FAF1: variants seen among roughly 807,000 people sequenced by gnomAD.
FAF1 encodes FAS-associated factor 1.
In FAF1, 25 loss-of-function variants were observed where a neutral mutation model predicts 92.5. The observed-to-expected ratio is 0.27, with a 90% CI of 0.20 to 0.38. FAF1 has a LOEUF of 0.38. Among genes scored for constraint, FAF1 ranks in the 10% least tolerant of loss-of-function variants. The probability of loss-of-function intolerance (pLI) is 1.00; values close to 1 mark genes in which losing one functional copy is unlikely to be tolerated. For synonymous variants in FAF1, 234 were observed against 273.2 expected (o/e 0.86, Z 1.42); for missense variants, 636 against 793.3 (o/e 0.80, Z 2.38).
chr1:50,467,414 A>G (rs1646511171), intron 18 of FAF1, among the ~76,000 whole-genome samples: 1 of 152,094 alleles, frequency 6.6e-6, no homozygotes, highest in African/African-American at 2.4e-5. Context: ...CCTGGGTTCA[A>G]GTGATTCTCC....
intron 18 of FAF1, among the ~76,000 whole-genome samples, chr1:50,455,021 G>A (rs1045803093): frequency 1.3e-5 from 2 of 152,228 alleles, no homozygotes; most frequent in African/African-American, 4.8e-5. Context: ...GGAGTCTAGA[G>A]GAGCTGCATC....
At chr1:50,885,312 T>TCACACACACACACACACA (rs376434464) in intron 1 of FAF1, among the ~76,000 whole-genome samples, 2 of 137,366 alleles carry the variant, frequency 1.5e-5, no homozygotes, top group Non-Finnish European at 3.2e-5. Flanking sequence ...TCTCTCTCTC[T>TCACACACACACACACACA]CACACACACA....
chr1:50,873,493 G>A (rs888803882), intron 1 of FAF1, among the ~76,000 whole-genome samples: 1 of 152,112 alleles, frequency 6.6e-6, no homozygotes, highest in Non-Finnish European at 1.5e-5. Flanking sequence ...ACACCAGCAG[G>A]ACTTACTTCC....
chr1:50,511,894 T>G (rs975628672), intron 15 of FAF1, among the ~76,000 whole-genome samples: 2 of 152,216 alleles, frequency 1.3e-5, no homozygotes, highest in Non-Finnish European at 2.9e-5. Flanking sequence ...CTCCACATCC[T>G]CTGTAGTATC....
chr1:50,746,276 ATATATATATATATATATTTTTTTTTT>A (rs1257709505), intron 4 of FAF1, among the ~76,000 whole-genome samples: 917 of 19,828 alleles, frequency 0.046, 3 homozygotes, highest in Middle Eastern at 0.077. Flanking sequence ...ATATATATAT[ATATATATATATATATATTTTTTTTTT>A]TTTTTTTTTT....
At chr1:50,911,098 A>T (rs933462876) in intron 1 of FAF1, among the ~76,000 whole-genome samples, 2 of 151,706 alleles carry the variant, frequency 1.3e-5, no homozygotes, top group African/African-American at 2.4e-5. Flanking sequence ...TTGGAGACAG[A>T]GTCTCACTCT....
chr1:50,638,705 A>C (rs928136850), intron 8 of FAF1, among the ~76,000 whole-genome samples: 1 of 152,026 alleles, frequency 6.6e-6, no homozygotes, highest in Non-Finnish European at 1.5e-5. Flanking sequence ...TGGCTTCCCA[A>C]AGTGCTGGGA....
intron 3 of FAF1, among the ~76,000 whole-genome samples, chr1:50,800,003 T>C (rs1005182299): frequency 3.3e-5 from 5 of 152,156 alleles, no homozygotes; most frequent in African/African-American, 9.7e-5. Flanking sequence ...AGAATATTAC[T>C]AGATACAACT....
At chr1:50,561,829 A>G (rs1239071439) in intron 13 of FAF1, among the ~76,000 whole-genome samples, 2 of 142,664 alleles carry the variant, frequency 1.4e-5, no homozygotes, top group African/African-American at 2.6e-5. Flanking sequence ...CATCTAGGAC[A>G]GACGGATGGA....
intron 8 of FAF1, among the ~76,000 whole-genome samples, chr1:50,622,007 A>G (rs1242508240): frequency 1.3e-5 from 2 of 151,920 alleles, no homozygotes; most frequent in Non-Finnish European, 2.9e-5. Flanking sequence ...CTCTACTAAA[A>G]ATACAAAAAT....
intron 8 of FAF1, among the ~76,000 whole-genome samples, chr1:50,630,205 A>G (rs559827600): frequency 5.9e-5 from 9 of 152,312 alleles, no homozygotes; most frequent in Non-Finnish European, 8.8e-5. Context: ...TTCATGTAAA[A>G]ATTTATTTTG....
intron 3 of FAF1, among the ~76,000 whole-genome samples, chr1:50,793,549 C>A (rs963723159): frequency 1.4e-4 from 21 of 152,150 alleles, no homozygotes; most frequent in Admixed American, 1.4e-3. Flanking sequence ...GGTAGATATT[C>A]CATATTGCTT....
At chr1:50,610,248 A>ACTGAATAC (rs1245620860) in intron 8 of FAF1, among the ~76,000 whole-genome samples, 1 of 152,222 alleles carries the variant, frequency 6.6e-6, no homozygotes, top group East Asian at 1.9e-4. Context: ...TGTTCAATAC[A>ACTGAATAC]CTGAATACCT....
chr1:50,812,721 G>A (rs541987940), intron 2 of FAF1, among the ~76,000 whole-genome samples: 36 of 152,076 alleles, frequency 2.4e-4, no homozygotes, highest in Non-Finnish European at 4.3e-4. Flanking sequence ...TCATTACTGC[G>A]TATATACCCA....
chr1:50,562,446 T>C (rs1649966575), intron 13 of FAF1, among the ~76,000 whole-genome samples: 1 of 152,200 alleles, frequency 6.6e-6, no homozygotes, highest in Non-Finnish European at 1.5e-5. Flanking sequence ...TACGTAATTA[T>C]GAGGCTTTAA....
intron 7 of FAF1, among the ~76,000 whole-genome samples, chr1:50,694,554 GAAAA>G (rs35983172): frequency 7.6e-6 from 1 of 130,806 alleles, no homozygotes; most frequent in African/African-American, 2.8e-5. Flanking sequence ...CTATAGCCAG[GAAAA>G]AAAAAAAAAC....
chr1:50,632,458 AGGAACACATCTATTAGAAATTG>A (rs1421923516), intron 8 of FAF1, among the ~76,000 whole-genome samples: 4 of 152,234 alleles, frequency 2.6e-5, no homozygotes, highest in South Asian at 2.1e-4. Flanking sequence ...TCAATAAATC[AGGAACACATCTATTAGAAATTG>A]GGAACACATC....
intron 2 of FAF1, among the ~76,000 whole-genome samples, chr1:50,849,606 A>G (rs1249186127): frequency 6.6e-6 from 1 of 152,214 alleles, no homozygotes; most frequent in Admixed American, 6.5e-5. Flanking sequence ...TATACAGACT[A>G]TATAGACTAT....
intron 17 of FAF1, among the ~76,000 whole-genome samples, chr1:50,478,948 T>C (rs908371815): frequency 3.9e-5 from 6 of 152,214 alleles, no homozygotes; most frequent in Admixed American, 6.5e-5. Flanking sequence ...AAAGTCAACA[T>C]ATCTGTAAAA....
Sources: allele counts gnomAD v4.1 joint callset (sites outside exome capture counted in the v4.1 genomes callset), GRCh38; gene constraint gnomAD v4.1.1; transcripts MANE v1.5; gene names NCBI Gene and HGNC (gene_info 2026-07-23, HGNC 2026-07-21).